The following HMGA2 variants were observed in gnomAD, a reference collection of about 807,000 sequenced individuals.
The protein encoded by HMGA2 is high mobility group AT-hook 2, also known as high mobility group protein HMGI-C.
HMGA2 carries 8 observed loss-of-function variants against 19.1 expected under a neutral mutation model. The ratio of observed to expected loss-of-function variants is 0.42; its 90% confidence interval spans 0.25 to 0.76. The LOEUF is 0.76. Among genes scored for constraint, HMGA2 ranks in the 30% least tolerant of loss-of-function variants. The pLI, the probability that HMGA2 is intolerant of heterozygous loss-of-function variation, is 0.28. For synonymous variants in HMGA2, 60 were observed against 48.8 expected (o/e 1.23, Z -0.96); for missense variants, 109 against 136.3 (o/e 0.80, Z 1.00).
intron 4 of HMGA2, chr12:65,953,625 C>T (rs1876526649): frequency 6.6e-6 from 1 of 152,128 alleles, no homozygotes; most frequent in Non-Finnish European, 1.5e-5. Context: ...AAAGAAGCCA[C>T]AAGTGGATTG....
intron 4 of HMGA2, chr12:65,953,065 C>T (rs957939706): frequency 6.6e-6 from 1 of 152,030 alleles, no homozygotes; most frequent in African/African-American, 2.4e-5. Flanking sequence ...TGGAAAGTGA[C>T]AAATACTACA....
intron 3 of HMGA2, among the ~76,000 whole-genome samples, chr12:65,861,950 T>C (rs1324515462): frequency 6.6e-6 from 1 of 151,962 alleles, no homozygotes; most frequent in Non-Finnish European, 1.5e-5. Context: ...GTTCAAGCGA[T>C]TCTCCTGCTT....
chr12:65,913,416 T>C (rs1313209858), intron 3 of HMGA2, among the ~76,000 whole-genome samples: 1 of 152,202 alleles, frequency 6.6e-6, no homozygotes, highest in Admixed American at 6.5e-5. Flanking sequence ...GTAAGGAAAC[T>C]TGCCTTCTTG....
chr12:65,842,525 T>A (rs1239828901), intron 3 of HMGA2: 11 of 1,218,670 alleles, frequency 9.0e-6, no homozygotes, highest in African/African-American at 3.0e-5. Context: ...ATGCTGAATA[T>A]TAATCAAGTT....
chr12:65,935,946 G>A (rs564921077), intron 3 of HMGA2, among the ~76,000 whole-genome samples: 1 of 152,226 alleles, frequency 6.6e-6, no homozygotes, highest in South Asian at 2.1e-4. Flanking sequence ...GCAGTTAAGT[G>A]CTTAAGGCAC....
intron 3 of HMGA2, among the ~76,000 whole-genome samples, chr12:65,928,957 CATGTATGTATGT>C (rs370239997): frequency 1.3e-5 from 2 of 151,954 alleles, no homozygotes; most frequent in Non-Finnish European, 2.9e-5. Context: ...TGTATATATG[CATGTATGTATGT>C]ATGTATGTAT....
At chr12:65,944,831 G>A (rs1433584288) in intron 3 of HMGA2, among the ~76,000 whole-genome samples, 1 of 152,132 alleles carries the variant, frequency 6.6e-6, no homozygotes, top group Non-Finnish European at 1.5e-5. Context: ...GGTGATACAG[G>A]TCTGCAGGAG....
intron 4 of HMGA2, among the ~76,000 whole-genome samples, chr12:65,960,315 C>T (rs1876717526): frequency 6.6e-6 from 1 of 152,210 alleles, no homozygotes; most frequent in Non-Finnish European, 1.5e-5. Context: ...TCACCTGTTT[C>T]TGTTCCCTCT....
chr12:65,922,928 T>A (rs77032999), intron 3 of HMGA2, among the ~76,000 whole-genome samples: 1 of 152,138 alleles, frequency 6.6e-6, no homozygotes, highest in Non-Finnish European at 1.5e-5. Context: ...GCCACCACCA[T>A]GTAAGAAGTG....
At chr12:65,962,320 G>A (rs922626) in intron 4 of HMGA2, among the ~76,000 whole-genome samples, 27,628 of 152,186 alleles carry the variant, frequency 0.18, 4,057 homozygotes, top group East Asian at 0.75. Flanking sequence ...GGCTCAAGCC[G>A]GCTCGCAGAA....
At chr12:65,830,159 C>T (rs980709240) in intron 2 of HMGA2, among the ~76,000 whole-genome samples, 2 of 151,846 alleles carry the variant, frequency 1.3e-5, no homozygotes, top group Admixed American at 6.6e-5. Context: ...TTATAAATTA[C>T]GCTTCATCTG....
rs1370411201 is a variant in HMGA2, at chr12:65,825,755, A to C, written c.111+374A>C. On this transcript the variant is annotated intron_variant, in intron 1 of 4. Transcript: ENST00000403681. The surrounding 1 kb of genome is among the most constrained non-coding windows in gnomAD (Gnocchi z 4.4). ...CAGGCGCTTTCCGAGTTGCTTTTGC[A>C]ACTGCCCGGGAGGAAGGAGGTGCCG... Among the ~76,000 whole-genome samples the C allele has an allele frequency of 2.6e-5, 4 of 152,082 alleles. No individual in the cohort carries two copies. The highest frequency in any genetic ancestry group is 5.9e-5 in the Non-Finnish European group (4 of 67,994).
Position 65,964,299 on chromosome 12 carries a change from A to T in HMGA2, c.*1007A>T. 1 of 206,130 alleles carries T rather than the reference A, an allele frequency of 4.9e-6. No individual in the cohort carries two copies. Among genetic ancestry groups the T allele is most frequent in the Admixed American group, 6.0e-5 (1 of 16,536 alleles). The allele number at this position is 206,130 out of a possible 1,614,324, so 12.8% of individuals were successfully genotyped here. On this transcript the variant is annotated 3_prime_UTR_variant, in exon 5 of 5. Transcript: ENST00000403681. ...ATCAATTTAAAAAGCAAAAAAAAAA[A>T]AGGGGGGGGCAATCTCTCTCTGTGT...
Position 65,825,301 on chromosome 12 carries a change from C to T in HMGA2, c.31C>T (p.Pro11Ser), listed in dbSNP as rs764301435. 2.0e-6 allele frequency: 3 copies of T among 1,534,936 alleles called. No individual in the cohort carries two copies. Among genetic ancestry groups the T allele is most frequent in the Admixed American group, 2.0e-5 (1 of 50,756 alleles). ...CGCACGCGGTGAGGGCGCGGGGCAG[C>T]CGTCCACTTCAGCCCAGGGACAACC... The part of the protein sequence containing the change: MSARGEGAGQ[P>S]STSAQGQPAA... Residue 11 changes from proline (P) to serine (S), a missense_variant, in exon 1 of 5, where the codon CCG (proline) becomes TCG (serine). Pro to Ser is a moderately conservative substitution (Grantham distance 74, BLOSUM62 -1). Transcript: ENST00000403681. The surrounding 1 kb of genome is among the most constrained non-coding windows in gnomAD (Gnocchi z 4.4).
At chr12:65,841,988 C>A in intron 3 of HMGA2, 1 of 914,512 alleles carries the variant, frequency 1.1e-6, no homozygotes. Context: ...TAATTCCCTT[C>A]ATCTTTTTTT....
chr12:65,941,696 C>G (rs1876096755), intron 3 of HMGA2, among the ~76,000 whole-genome samples: 1 of 152,128 alleles, frequency 6.6e-6, no homozygotes, highest in African/African-American at 2.4e-5. Flanking sequence ...TTTTTAAATT[C>G]AGTTTCCATG....
chr12:65,930,188 GT>G (rs1375695310), intron 3 of HMGA2, among the ~76,000 whole-genome samples: 2 of 152,296 alleles, frequency 1.3e-5, no homozygotes, highest in East Asian at 3.9e-4. Flanking sequence ...GAGCTAGACA[GT>G]AGGAAGTAAT....
At position 65,852,017 on chromosome 12, in the gene HMGA2, C is replaced by CTTTGTACAAATTTGTACAAGGTACAG. The variant is rs567753808; in HGVS notation, c.249+13460_249+13485dup. 1.2e-3 allele frequency among the ~76,000 whole-genome samples: 190 copies of CTTTGTACAAATTTGTACAAGGTACAG among 152,036 alleles called. No homozygotes were observed. In the East Asian group the frequency reaches 0.03, roughly 24 times the overall value. ...GAATAATATAAGAAAGTAATTTGTACTTTGTACAAATTTGTACAAGGTACA... is the reference window on the plus strand; with the variant it reads ...GAATAATATAAGAAAGTAATTTGTACTTTGTACAAATTTGTACAAGGTACAGTTTGTACAAATTTGTACAAGGTACA... On this transcript the variant is annotated intron_variant, in intron 3 of 4. Transcript: ENST00000403681.
chr12:65,866,730 GC>G (rs150165190), intron 3 of HMGA2: 354 of 436,748 alleles, frequency 8.1e-4, no homozygotes, highest in African/African-American at 6.6e-3. Context: ...ATTTAAGAAG[GC>G]AGTTATTAAT....
Sources: allele counts gnomAD v4.1 joint callset (sites outside exome capture counted in the v4.1 genomes callset), GRCh38; gene constraint gnomAD v4.1.1; non-coding constraint Gnocchi (gnomAD v3.1); transcripts MANE v1.5; gene names NCBI Gene and HGNC (gene_info 2026-07-23, HGNC 2026-07-21).